The following SLC2A1 variants were observed in gnomAD, a reference collection of about 807,000 sequenced individuals.
The protein encoded by SLC2A1 is solute carrier family 2 member 1.
SLC2A1 carries 4 observed loss-of-function variants against 46.6 expected under a neutral mutation model. That is an observed-to-expected ratio of 0.09 (90% CI 0.04 to 0.20). SLC2A1 has a LOEUF of 0.20. SLC2A1 is among the 10% of genes least tolerant of loss of function. SLC2A1 has a pLI of 1.00. For missense variants in SLC2A1, 352 were observed against 667.0 expected, an observed-to-expected ratio of 0.53 and a Z score of 5.20; for synonymous variants, 253 against 270.0, an observed-to-expected ratio of 0.94 and a Z score of 0.62.
Position 42,930,436 on chromosome 1 carries a change from G to A in SLC2A1, c.516+190C>T. ...AGTGAGAAGAAAGGGACTGAGAAGA[G>A]TCAAGTCATCTTGCTGTCAACTGGG... On this transcript the variant is annotated intron_variant, in intron 4 of 9. Coordinates refer to ENST00000426263, the MANE Select transcript of SLC2A1 (RefSeq NM_006516.4). This position sits in a 1 kb window ranked among gnomAD's most constrained non-coding sequence, Gnocchi z 6.2. 1.2e-6 allele frequency: 1 copy of A among 809,118 alleles called. No individual in the cohort carries two copies. The allele number at this position is 809,118 out of a possible 1,614,324, so 50.1% of individuals were successfully genotyped here. A position where few individuals can be genotyped will look rare whatever the true frequency, so the allele number is the denominator to read the frequency against.
At chr1:42,958,516 G>T in intron 1 of SLC2A1, 118 bp downstream of exon 1, 1 of 758,232 alleles carries the variant, frequency 1.3e-6, no homozygotes, top group African/African-American at 1.9e-5. Context: ...GGAGAGGCGC[G>T]CGGCCCGCCC....
chr1:42,931,856 A>G, intron 2 of SLC2A1, among the ~76,000 whole-genome samples: 1 of 149,760 alleles, frequency 6.7e-6, no homozygotes, highest in East Asian at 1.9e-4. Flanking sequence ...AGAGAAATAC[A>G]GAAGGAAAAG....
intron 1 of SLC2A1, among the ~76,000 whole-genome samples, chr1:42,955,891 T>C (rs973918238): frequency 3.9e-5 from 6 of 152,180 alleles, no homozygotes; most frequent in Non-Finnish European, 8.8e-5. Flanking sequence ...TACTGTGAGT[T>C]ACAGAGGAGC....
intron 2 of SLC2A1, among the ~76,000 whole-genome samples, chr1:42,942,177 C>T: frequency 6.6e-6 from 1 of 152,202 alleles, no homozygotes; most frequent in East Asian, 1.9e-4. Context: ...GATTTTTAAA[C>T]GGGCAAGGCA....
intron 1 of SLC2A1, among the ~76,000 whole-genome samples, chr1:42,958,151 C>G (rs1301405391): frequency 6.6e-6 from 1 of 152,070 alleles, no homozygotes; most frequent in Non-Finnish European, 1.5e-5. Context: ...GGGGAGCAGA[C>G]GGAGAGCGGG....
In SLC2A1 at chr1:42,930,885, G is replaced by A. The variant is rs74945664; in HGVS notation, c.276-19C>T. The A allele has an allele frequency of 6.0e-5, 96 of 1,601,688 alleles. No individual in the cohort carries two copies. The Middle Eastern group carries it at 2.8e-3, about 47-fold the overall frequency. On this transcript the variant is annotated intron_variant, in intron 3 of 9. Coordinates refer to ENST00000426263, the MANE Select transcript of SLC2A1 (RefSeq NM_006516.4). This position sits in a 1 kb window ranked among gnomAD's most constrained non-coding sequence, Gnocchi z 6.2. ...ATTCCGCCTGGGGACGGGGTCACAG[G>A]TCAGGCCAGTGCCCACATTCCTTGG...
intron 1 of SLC2A1, among the ~76,000 whole-genome samples, chr1:42,956,801 T>C (rs1161113726): frequency 6.6e-6 from 1 of 152,126 alleles, no homozygotes; most frequent in Admixed American, 6.6e-5. Flanking sequence ...ATTCAAGAAA[T>C]GTTGTGGTGA....
intron 8 of SLC2A1, 85 bp downstream of exon 8, chr1:42,928,847 G>A: frequency 1.6e-6 from 2 of 1,239,690 alleles, no homozygotes; most frequent in Admixed American, 3.4e-5. Context: ...AGGCCTGCCA[G>A]CCTGGGGCTG....
chr1:42,951,789 G>A, intron 1 of SLC2A1: 1 of 398,800 alleles, frequency 2.5e-6, no homozygotes. Context: ...TCCAGGGCTG[G>A]AGTGAGGGTA....
At chr1:42,955,791 C>CGTGCTGCCCAGGAGAG (rs1553157748) in intron 1 of SLC2A1, among the ~76,000 whole-genome samples, 2 of 152,122 alleles carry the variant, frequency 1.3e-5, no homozygotes, top group African/African-American at 4.8e-5. Flanking sequence ...CTCACCCTTG[C>CGTGCTGCCCAGGAGAG]GTGCTGCCCA....
In SLC2A1 at chr1:42,956,407, C is replaced by CAAAAAAAAAAAAAAAAAAAA. The variant is rs71577684; in HGVS notation, c.18+2207_18+2226dup. Among the ~76,000 whole-genome samples, 4 of 44,534 alleles carry CAAAAAAAAAAAAAAAAAAAA rather than the reference C, an allele frequency of 9.0e-5. 1 individual carries two copies. The highest frequency in any genetic ancestry group is 4.2e-4 in the African/African-American group (4 of 9,496). 29.2% of individuals were successfully genotyped at this position (44,534 alleles called of 152,430 possible). A position where few individuals can be genotyped will look rare whatever the true frequency, so the allele number is the denominator to read the frequency against. On this transcript the variant is annotated intron_variant, in intron 1 of 9. Coordinates refer to ENST00000426263, the MANE Select transcript of SLC2A1 (RefSeq NM_006516.4). The stretch of plus-strand genomic sequence containing the variant: ...AGAAACCCCGTCTCTACTAAAACTA[C>CAAAAAAAAAAAAAAAAAAAA]AAAAAAAAAAAAAAAAAAAAAAAAA...
At chr1:42,939,608 G>A (rs919714532) in intron 2 of SLC2A1, among the ~76,000 whole-genome samples, 3 of 152,154 alleles carry the variant, frequency 2.0e-5, no homozygotes, top group African/African-American at 7.2e-5. Context: ...GGGAGGCCCC[G>A]GGGATCACAG....
chr1:42,943,294 C>T lies in SLC2A1; in HGVS notation c.46G>A (p.Val16Met), dbSNP rs1553156841. The stretch of plus-strand genomic sequence containing the variant: ...AGGGAGCCAAGCACTGCTCCTCCCA[C>T]GGCCAGCATGAGGCGACCCGTCAGC... ...KKLTGRLMLA[V>M]GGAVLGSLQF... The change falls in exon 2 of 10, where the codon GTG becomes ATG. Residue 16 changes from valine (V) to methionine (M), a missense_variant. Val to Met is a conservative substitution (Grantham distance 21). Transcript: ENST00000426263. 6 of 1,613,922 alleles carry T rather than the reference C, an allele frequency of 3.7e-6. No homozygotes were observed. The highest frequency in any genetic ancestry group is 5.1e-6 in the Non-Finnish European group (6 of 1,179,900).
intron 2 of SLC2A1, among the ~76,000 whole-genome samples, chr1:42,933,264 G>T (rs768446240): frequency 1.3e-5 from 2 of 152,132 alleles, no homozygotes; most frequent in African/African-American, 2.4e-5. Context: ...CTCCTGCCAG[G>T]TATCAATCCA....
chr1:42,936,826 T>C (rs1377384206), intron 2 of SLC2A1, among the ~76,000 whole-genome samples: 1 of 152,084 alleles, frequency 6.6e-6, no homozygotes, highest in East Asian at 1.9e-4. Context: ...TTGGGCCTAA[T>C]CACCTTTCAG....
Position 42,943,308 on chromosome 1 carries a change from C to A in SLC2A1, c.32G>T (p.Arg11Leu). ...TGCTCCTCCCACGGCCAGCATGAGG[C>A]GACCCGTCAGCTTCTGCGGAGAAAC... MEPSSKKLTG[R>L]LMLAVGGAVL... Residue 11 changes from arginine to leucine, a missense_variant, in exon 2 of 10, where the codon CGC (arginine) becomes CTC (leucine). Coordinates refer to ENST00000426263, the MANE Select transcript of SLC2A1 (RefSeq NM_006516.4). 1 of 1,613,610 alleles carries A rather than the reference C, an allele frequency of 6.2e-7. No individual in the cohort carries two copies. The highest frequency in any genetic ancestry group is 8.5e-7 in the Non-Finnish European group (1 of 1,179,738).
At chr1:42,939,904 G>C (rs1283060144) in intron 2 of SLC2A1, among the ~76,000 whole-genome samples, 1 of 138,808 alleles carries the variant, frequency 7.2e-6, no homozygotes, top group East Asian at 2.2e-4. Context: ...AGTGAGCCAA[G>C]ATCATGCCAC....
At chr1:42,945,631 C>T (rs1643645883) in intron 1 of SLC2A1, among the ~76,000 whole-genome samples, 1 of 151,338 alleles carries the variant, frequency 6.6e-6, no homozygotes, top group South Asian at 2.1e-4. Flanking sequence ...GCCTGTAGTC[C>T]CAACTACTTG....
chr1:42,951,224 G>C (rs1027305040), intron 1 of SLC2A1, among the ~76,000 whole-genome samples: 36 of 152,148 alleles, frequency 2.4e-4, no homozygotes, highest in Non-Finnish European at 4.3e-4. Context: ...GAAGGTGATG[G>C]GGCTGCTATT....
Sources: allele counts gnomAD v4.1 joint callset (sites outside exome capture counted in the v4.1 genomes callset), GRCh38; gene constraint gnomAD v4.1.1; non-coding constraint Gnocchi (gnomAD v3.1); transcripts MANE v1.5; gene names NCBI Gene and HGNC (gene_info 2026-07-23, HGNC 2026-07-21).